PHKB: variants seen among roughly 807,000 people sequenced by gnomAD.
PHKB encodes the protein phosphorylase kinase regulatory subunit beta.
In PHKB, 122 loss-of-function variants were observed where a neutral mutation model predicts 152.1. That is an observed-to-expected ratio of 0.80 (90% CI 0.69 to 0.93). The LOEUF (loss-of-function observed/expected upper bound fraction) is 0.93, where lower values mean the gene tolerates loss of function less well. Among genes scored for constraint, PHKB ranks in the 40% least tolerant of loss-of-function variants. The pLI is 0.00. For missense variants in PHKB, 1,304 were observed against 1,328.4 expected, an observed-to-expected ratio of 0.98 and a Z score of 0.29; for synonymous variants, 436 against 464.9, an observed-to-expected ratio of 0.94 and a Z score of 0.80.
rs946768381 is a variant in PHKB, at chr16:47,649,216, A to G, written c.1797+12A>G. The G allele has an allele frequency of 3.0e-6, 4 of 1,337,302 alleles. No homozygotes were observed. The highest frequency in any genetic ancestry group is 2.9e-5 in the African/African-American group (2 of 69,604). 82.8% of individuals were successfully genotyped at this position (1,337,302 alleles called of 1,614,324 possible). A position where few individuals can be genotyped will look rare whatever the true frequency, so the allele number is the denominator to read the frequency against. ...TAGATGACATAAAGGTAGCTTCGGA[A>G]CACCTTTCTTAAAAATGGAATGAGT... is the stretch of plus-strand genomic sequence containing the variant. On this transcript the variant is annotated intron_variant, in intron 18 of 30. Coordinates refer to ENST00000323584, the MANE Select transcript of PHKB (RefSeq NM_000293.3).
chr16:47,648,761 T>A, intron 17 of PHKB, 145 bp downstream of exon 17: 1 of 689,306 alleles, frequency 1.5e-6, no homozygotes, highest in Non-Finnish European at 2.7e-6. Flanking sequence ...TAGTAAACAT[T>A]ACTTATTTAG....
chr16:47,690,977 T>C (rs1974049732), intron 27 of PHKB, among the ~76,000 whole-genome samples: 1 of 152,130 alleles, frequency 6.6e-6, no homozygotes, highest in Admixed American at 6.5e-5. Flanking sequence ...CCTAGCACTT[T>C]GGGAGGCTGG....
intron 6 of PHKB, among the ~76,000 whole-genome samples, chr16:47,539,528 C>A (rs1012916494): frequency 6.6e-6 from 1 of 151,666 alleles, no homozygotes; most frequent in Non-Finnish European, 1.5e-5. Context: ...AAGAATGTAT[C>A]TATTGGATAC....
At chr16:47,535,855 C>T (rs1361011198) in intron 6 of PHKB, among the ~76,000 whole-genome samples, 1 of 152,196 alleles carries the variant, frequency 6.6e-6, no homozygotes, top group East Asian at 1.9e-4. Context: ...ACTGTTCTAG[C>T]TCTTTCCAAT....
intron 26 of PHKB, among the ~76,000 whole-genome samples, chr16:47,670,246 G>A (rs531756232): frequency 2.3e-3 from 343 of 152,264 alleles, no homozygotes; most frequent in African/African-American, 8.1e-3. Context: ...CTAACAAGTG[G>A]CCAACTTTGA....
At position 47,618,341 on chromosome 16, in the gene PHKB, A is replaced by T. The variant is rs549970808; in HGVS notation, c.1458+7421A>T. ...TCTTTTCTCTGGGGTCTGAAGAGAGATGAGAACTGAGAGCATATGTGCACT... is the reference window on the plus strand; with the variant it reads ...TCTTTTCTCTGGGGTCTGAAGAGAGTTGAGAACTGAGAGCATATGTGCACT... On this transcript the variant is annotated intron_variant, in intron 14 of 30. Transcript: ENST00000323584. 3.9e-5 allele frequency among the ~76,000 whole-genome samples: 6 copies of T among 152,010 alleles called. No homozygotes were observed. The East Asian group carries it at 1.2e-3, about 29-fold the overall frequency.
At chr16:47,663,275 T>G (rs1288728717) in intron 23 of PHKB, among the ~76,000 whole-genome samples, 1 of 152,196 alleles carries the variant, frequency 6.6e-6, no homozygotes, top group Non-Finnish European at 1.5e-5. Flanking sequence ...CTCAGTAAAG[T>G]TTTATTGAAC....
At chr16:47,597,875 C>G (rs1485959578) in intron 13 of PHKB, 1 of 151,628 alleles carries the variant, frequency 6.6e-6, no homozygotes, top group Non-Finnish European at 1.5e-5. Flanking sequence ...CTAACTTCCA[C>G]AAATGCAACA....
At chr16:47,627,975 GA>G (rs1182085337) in intron 14 of PHKB, among the ~76,000 whole-genome samples, 1 of 152,182 alleles carries the variant, frequency 6.6e-6, no homozygotes, top group Non-Finnish European at 1.5e-5. Flanking sequence ...GCTGAAAAAT[GA>G]GTGTAATGAA....
intron 7 of PHKB, among the ~76,000 whole-genome samples, chr16:47,549,396 A>G (rs1022700599): frequency 7.2e-5 from 11 of 152,186 alleles, no homozygotes; most frequent in Non-Finnish European, 5.9e-5. Context: ...TTCTGTTTAT[A>G]AAAACTGCAG....
chr16:47,559,979 C>T (rs1256122560), intron 7 of PHKB, among the ~76,000 whole-genome samples: 2 of 152,162 alleles, frequency 1.3e-5, no homozygotes, highest in African/African-American at 4.8e-5. Flanking sequence ...CTAACAGTAC[C>T]ATATGAATTG....
chr16:47,680,887 G>A (rs971147350), intron 26 of PHKB, among the ~76,000 whole-genome samples: 1 of 152,116 alleles, frequency 6.6e-6, no homozygotes, highest in Non-Finnish European at 1.5e-5. Context: ...GGTCTTTCCT[G>A]CTTCCTCTTG....
At chr16:47,551,931 CTCT>C (rs1458482565) in intron 7 of PHKB, among the ~76,000 whole-genome samples, 2 of 152,144 alleles carry the variant, frequency 1.3e-5, no homozygotes. Flanking sequence ...GGATAGTTAG[CTCT>C]TCTTGTTGCA....
At chr16:47,483,593 G>T (rs564126838) in intron 1 of PHKB, among the ~76,000 whole-genome samples, 13 of 152,134 alleles carry the variant, frequency 8.5e-5, no homozygotes, top group Non-Finnish European at 1.9e-4. Flanking sequence ...TATTCTAGTG[G>T]TGCTGCCATT....
chr16:47,574,298 C>G (rs1340420030), intron 7 of PHKB, among the ~76,000 whole-genome samples: 5 of 152,186 alleles, frequency 3.3e-5, no homozygotes, highest in Non-Finnish European at 1.5e-5. Context: ...TTGCCCAGTT[C>G]CCCAGTGTCA....
At chr16:47,578,441 CT>C (rs1971785985) in intron 7 of PHKB, among the ~76,000 whole-genome samples, 1 of 152,020 alleles carries the variant, frequency 6.6e-6, no homozygotes, top group Non-Finnish European at 1.5e-5. Flanking sequence ...TTTTAACTTT[CT>C]GTTTTAGCTG....
chr16:47,536,821 C>T (rs1970960081), intron 6 of PHKB, among the ~76,000 whole-genome samples: 1 of 152,114 alleles, frequency 6.6e-6, no homozygotes, highest in Admixed American at 6.5e-5. Context: ...AAAAAACACA[C>T]TTGGAACAAA....
chr16:47,624,634 TCA>T (rs1972677505), intron 14 of PHKB, among the ~76,000 whole-genome samples: 1 of 152,186 alleles, frequency 6.6e-6, no homozygotes, highest in South Asian at 2.1e-4. Flanking sequence ...CAATTGATAT[TCA>T]GTCTTTCCTC....
At chr16:47,546,855 C>T (rs1432465131) in intron 6 of PHKB, among the ~76,000 whole-genome samples, 3 of 152,158 alleles carry the variant, frequency 2.0e-5, no homozygotes, top group Non-Finnish European at 4.4e-5. Context: ...GCAGTTCGAT[C>T]TCGGACTGCC....
Sources: gnomAD v4.1 joint callset for allele counts (sites outside exome capture counted in the v4.1 genomes callset) on GRCh38, gnomAD v4.1.1 for gene constraint, MANE v1.5 for transcripts, NCBI Gene and HGNC (gene_info 2026-07-23, HGNC 2026-07-21) for gene names.